ABTB3: variants seen among roughly 807,000 people sequenced by gnomAD.
The protein encoded by ABTB3 is ankyrin repeat- and BTB/POZ domain-containing protein 3.
At chr12:107,539,203 G>C in the ABTB3 span, among the ~76,000 whole-genome samples, 1 of 152,162 alleles carries the variant, frequency 6.6e-6, no homozygotes, top group African/African-American at 2.4e-5. Context: ...TACCTCTGCT[G>C]TCTCTTCTTC....
At chr12:107,416,039 A>C in the ABTB3 span, among the ~76,000 whole-genome samples, 2 of 152,172 alleles carry the variant, frequency 1.3e-5, no homozygotes, top group African/African-American at 2.4e-5. Context: ...AGGTTGGAAA[A>C]ATTCTGGAGT....
At chr12:107,642,140 A>T in the ABTB3 span, 1 of 1,614,010 alleles carries the variant, frequency 6.2e-7, no homozygotes, top group Non-Finnish European at 8.5e-7. Flanking sequence ...ACCTGCATAG[A>T]GATTGGTTAT....
At chr12:107,424,063 G>T in the ABTB3 span, among the ~76,000 whole-genome samples, 1 of 152,214 alleles carries the variant, frequency 6.6e-6, no homozygotes, top group Admixed American at 6.5e-5. Flanking sequence ...GCCACGTGAC[G>T]TGGGAGGACT....
At chr12:107,648,578 C>T in the ABTB3 span, among the ~76,000 whole-genome samples, 2 of 152,136 alleles carry the variant, frequency 1.3e-5, no homozygotes, top group Admixed American at 6.5e-5. Context: ...GTTTGGACAT[C>T]GTGAGTCACA....
chr12:107,345,169 C>T, the ABTB3 span, among the ~76,000 whole-genome samples: 1 of 152,082 alleles, frequency 6.6e-6, no homozygotes, highest in South Asian at 2.1e-4. Context: ...GTATTTAGTG[C>T]ATAGAGATAA....
the ABTB3 span, among the ~76,000 whole-genome samples, chr12:107,438,039 C>T: frequency 6.6e-6 from 1 of 152,082 alleles, no homozygotes; most frequent in Non-Finnish European, 1.5e-5. Flanking sequence ...CTCAGTCGGT[C>T]TCTCCTGAGG....
chr12:107,355,352 G>T, the ABTB3 span, among the ~76,000 whole-genome samples: 1 of 152,230 alleles, frequency 6.6e-6, no homozygotes, highest in African/African-American at 2.4e-5. Flanking sequence ...GCCCAGTGAG[G>T]CAGGTGGGGA....
the ABTB3 span, among the ~76,000 whole-genome samples, chr12:107,571,619 T>A: frequency 6.6e-6 from 1 of 152,238 alleles, no homozygotes; most frequent in Non-Finnish European, 1.5e-5. Flanking sequence ...TGCCCAAGCC[T>A]GCAAGGCGTG....
chr12:107,583,935 C>T, the ABTB3 span, among the ~76,000 whole-genome samples: 23 of 152,172 alleles, frequency 1.5e-4, no homozygotes, highest in East Asian at 1.7e-3. Context: ...ATTGATTGTT[C>T]GAGCTAAATT....
the ABTB3 span, among the ~76,000 whole-genome samples, chr12:107,462,376 G>C: frequency 5.3e-5 from 8 of 152,216 alleles, no homozygotes; most frequent in Admixed American, 5.2e-4. Context: ...TGGAAACAAA[G>C]GACTGGGGAT....
At chr12:107,386,975 A>G in the ABTB3 span, among the ~76,000 whole-genome samples, 2 of 140,008 alleles carry the variant, frequency 1.4e-5, no homozygotes, top group Admixed American at 1.4e-4. Flanking sequence ...AGTCAGCTAC[A>G]TTCTTTTTTT....
chr12:107,395,333 C>T, the ABTB3 span, among the ~76,000 whole-genome samples: 1 of 152,168 alleles, frequency 6.6e-6, no homozygotes, highest in African/African-American at 2.4e-5. Flanking sequence ...CTTGGCCTCC[C>T]TGGTAACAGT....
chr12:107,650,835 C>A, the ABTB3 span: 3 of 152,250 alleles, frequency 2.0e-5, no homozygotes, highest in East Asian at 5.8e-4. Flanking sequence ...TGATCACAAC[C>A]AGTTATGGAT....
chr12:107,334,557 G>A, the ABTB3 span, among the ~76,000 whole-genome samples: 4 of 152,290 alleles, frequency 2.6e-5, no homozygotes, highest in Admixed American at 6.5e-5. Flanking sequence ...TGCAAAGTTC[G>A]AGGTATCTTT....
At chr12:107,577,669 T>A in the ABTB3 span, among the ~76,000 whole-genome samples, 1 of 151,984 alleles carries the variant, frequency 6.6e-6, no homozygotes, top group Non-Finnish European at 1.5e-5. Flanking sequence ...ACAGTGAAGA[T>A]GTAGATGGCC....
chr12:107,579,403 T>C, the ABTB3 span, among the ~76,000 whole-genome samples: 1 of 152,202 alleles, frequency 6.6e-6, no homozygotes, highest in African/African-American at 2.4e-5. Context: ...CAGCTCTTGC[T>C]AGTCTTGTGG....
the ABTB3 span, among the ~76,000 whole-genome samples, chr12:107,587,184 G>C: frequency 2.2e-4 from 34 of 152,340 alleles, no homozygotes; most frequent in Non-Finnish European, 3.4e-4. Context: ...ACCATGGAAG[G>C]TCTTTTATGC....
the ABTB3 span, among the ~76,000 whole-genome samples, chr12:107,405,084 C>T: frequency 6.6e-6 from 1 of 152,180 alleles, no homozygotes; most frequent in Admixed American, 6.5e-5. Flanking sequence ...GTGAGTAGAT[C>T]TTAGGGTGAA....
At chr12:107,391,777 A>C in the ABTB3 span, among the ~76,000 whole-genome samples, 5 of 152,190 alleles carry the variant, frequency 3.3e-5, no homozygotes, top group Non-Finnish European at 7.3e-5. Context: ...TCTTAGCCCA[A>C]GGTTCAGGGC....
Sources: allele counts gnomAD v4.1 joint callset (sites outside exome capture counted in the v4.1 genomes callset), GRCh38; gene constraint gnomAD v4.1.1; transcripts MANE v1.5; gene names NCBI Gene and HGNC (gene_info 2026-07-23, HGNC 2026-07-21).